Variants in MRC2 observed in about 807,000 individuals in gnomAD.
The protein encoded by MRC2 is mannose receptor C-type 2, also known as C-type mannose receptor 2.
A neutral mutation model predicts 206.2 loss-of-function variants in MRC2; 84 were observed. That is an observed-to-expected ratio of 0.41 (90% CI 0.34 to 0.49). The LOEUF is 0.49. Among genes scored for constraint, MRC2 ranks in the 20% least tolerant of loss-of-function variants. The pLI is 0.31. For missense variants in MRC2, 1,676 were observed against 2,001.5 expected, an observed-to-expected ratio of 0.84 and a Z score of 3.10; for synonymous variants, 798 against 800.0, an observed-to-expected ratio of 1.00 and a Z score of 0.04.
chr17:62,676,297 C>A, intron 10 of MRC2, 86 bp from the exon 11 acceptor site: 1 of 1,543,528 alleles, frequency 6.5e-7, no homozygotes, highest in South Asian at 1.2e-5. Context: ...GTGCAGCACC[C>A]GAGCTCCCAC....
chr17:62,656,511 C>T (rs2088621042), intron 1 of MRC2, among the ~76,000 whole-genome samples: 1 of 152,148 alleles, frequency 6.6e-6, no homozygotes, highest in Admixed American at 6.5e-5. Flanking sequence ...TTTTTAATTT[C>T]CCTTACAGTG....
At chr17:62,690,853 C>CG (rs1396783195) in intron 27 of MRC2, 92 bp downstream of exon 27, 3 of 1,492,594 alleles carry the variant, frequency 2.0e-6, no homozygotes, top group African/African-American at 1.4e-5. Flanking sequence ...TGGGGCTTGT[C>CG]GGGGGACAGG....
At chr17:62,644,740 A>T (rs1480318868) in intron 1 of MRC2, among the ~76,000 whole-genome samples, 1 of 152,012 alleles carries the variant, frequency 6.6e-6, no homozygotes, top group South Asian at 2.1e-4. Context: ...GTTTTTCAGC[A>T]CAGCCCGCAG....
At chr17:62,656,558 G>GC (rs2088621696) in intron 1 of MRC2, among the ~76,000 whole-genome samples, 1 of 152,196 alleles carries the variant, frequency 6.6e-6, no homozygotes, top group African/African-American at 2.4e-5. Context: ...GGATAAGAAA[G>GC]CCCCCAAGGG....
intron 1 of MRC2, among the ~76,000 whole-genome samples, chr17:62,630,877 C>T (rs575069081): frequency 7.2e-5 from 11 of 152,136 alleles, no homozygotes; most frequent in Non-Finnish European, 1.5e-4. Context: ...TCGGAAACTT[C>T]TTACTGTTCC....
At chr17:62,669,085 AACACACACACACACACAC>A (rs72222842) in intron 6 of MRC2, among the ~76,000 whole-genome samples, 5 of 143,060 alleles carry the variant, frequency 3.5e-5, no homozygotes, top group Admixed American at 7.1e-5. Flanking sequence ...AAAATATGGC[AACACACACACACACACAC>A]ACACACACAC....
Position 62,688,294 on chromosome 17 carries a change from T to C in MRC2, c.2952T>C (p.Phe984=). Residue 984 remains phenylalanine (F), a synonymous_variant, in exon 21 of 30, where the codon TTT becomes TTC. Coordinates refer to ENST00000303375, the MANE Select transcript of MRC2 (RefSeq NM_006039.5). ...TCCCCACCTCTGCCCCACAGTGTTTTCAGGTCCAGGGCCAGGAACCCCAGA... is the reference window on the plus strand; with the variant it reads ...TCCCCACCTCTGCCCCACAGTGTTTCCAGGTCCAGGGCCAGGAACCCCAGA... ...SDWIQFLNKC[F]QVQGQEPQSR... is the part of the protein sequence containing the mutation. 1 of 1,613,994 alleles carries C rather than the reference T, an allele frequency of 6.2e-7. No individual in the cohort carries two copies. Among genetic ancestry groups the C allele is most frequent in the Non-Finnish European group, 8.5e-7 (1 of 1,179,994 alleles).
At chr17:62,645,939 T>A (rs1377253123) in intron 1 of MRC2, among the ~76,000 whole-genome samples, 2 of 152,068 alleles carry the variant, frequency 1.3e-5, no homozygotes, top group Admixed American at 1.3e-4. Flanking sequence ...CCAACACTTC[T>A]ACTGGCTACA....
At chr17:62,674,036 A>G (rs1028418013) in intron 8 of MRC2, 27 bp from the exon 9 acceptor site, 1 of 1,511,804 alleles carries the variant, frequency 6.6e-7, no homozygotes, top group African/African-American at 1.4e-5. Context: ...GTGGGGGTTG[A>G]GATTCTTCCT....
intron 9 of MRC2, among the ~76,000 whole-genome samples, chr17:62,674,844 TAA>T (rs2088871379): frequency 6.6e-6 from 1 of 152,040 alleles, no homozygotes; most frequent in Non-Finnish European, 1.5e-5. Flanking sequence ...AGCTTGCTTC[TAA>T]AAGACACTGC....
chr17:62,638,554 A>C (rs1427200225), intron 1 of MRC2, among the ~76,000 whole-genome samples: 1 of 151,994 alleles, frequency 6.6e-6, no homozygotes, highest in African/African-American at 2.4e-5. Flanking sequence ...CCTGGACAAC[A>C]TGGTGAAACC....
At chr17:62,683,902 AAT>A (rs1197378950) in intron 20 of MRC2, 1 of 152,124 alleles carries the variant, frequency 6.6e-6, no homozygotes, top group East Asian at 1.9e-4. Flanking sequence ...ATTATTGTTT[AAT>A]ATGCTCACTT....
intron 1 of MRC2, among the ~76,000 whole-genome samples, chr17:62,648,201 C>T (rs1343665425): frequency 2.0e-5 from 3 of 152,198 alleles, no homozygotes; most frequent in Admixed American, 6.5e-5. Context: ...GTCAGGAGTT[C>T]GAGACCAGCC....
chr17:62,682,526 T>G, intron 20 of MRC2, 149 bp downstream of exon 20: 1 of 897,892 alleles, frequency 1.1e-6, no homozygotes, highest in Non-Finnish European at 1.6e-6. Context: ...CTGGCTCCAG[T>G]ACCAGGGCCA....
intron 1 of MRC2, among the ~76,000 whole-genome samples, chr17:62,661,469 A>C (rs1197362088): frequency 4.6e-5 from 7 of 151,386 alleles, no homozygotes; most frequent in Admixed American, 2.0e-4. Context: ...TTTTGGTAGA[A>C]GCTCTTCTTT....
At position 62,690,935 on chromosome 17, in the gene MRC2, C is replaced by T. The variant is rs1269299042; in HGVS notation, c.4013-14C>T. 24 of 1,584,272 alleles carry T rather than the reference C, an allele frequency of 1.5e-5. No individual in the cohort carries two copies. The highest frequency in any genetic ancestry group is 2.1e-5 in the Non-Finnish European group (24 of 1,166,282). On this transcript the variant is annotated splice_polypyrimidine_tract_variant and intron_variant, in intron 27 of 29. Coordinates refer to ENST00000303375, the MANE Select transcript of MRC2 (RefSeq NM_006039.5). ...CACCTTGTCCCTGCTCCCTCAGTGC[C>T]TTCTTTCCTGCAGGAGGCACTCTGG... is the stretch of plus-strand genomic sequence containing the variant.
chr17:62,662,957 C>T (rs1463751336), intron 1 of MRC2, among the ~76,000 whole-genome samples: 2 of 152,120 alleles, frequency 1.3e-5, no homozygotes, highest in African/African-American at 2.4e-5. Context: ...CACTAGCAGT[C>T]GGATTCATCA....
At position 62,667,470 on chromosome 17, in the gene MRC2, A is replaced by C. The variant is rs146172137; in HGVS notation, c.1054A>C (p.Ser352Arg). The C allele has an allele frequency of 1.3e-3, 2,034 of 1,612,758 alleles. 2 individuals are homozygous for C. Among genetic ancestry groups the C allele is most frequent in the Admixed American group, 2.2e-3 (134 of 59,890 alleles). ...GGGCGGCTGGCAGAACCGTGACTGC[A>C]GCATCGCGCTGCCCTATGTGTGCAA... Reference protein sequence around the residue: ...SSGGWQNRDCSIALPYVCKKK... With the variant: ...SSGGWQNRDCRIALPYVCKKK... The change falls in exon 6 of 30, where the codon AGC becomes CGC. Residue 352 changes from serine (S) to arginine (R), a missense_variant. Transcript: ENST00000303375. The surrounding 1 kb of genome is among the most constrained non-coding windows in gnomAD (Gnocchi z 4.1).
chr17:62,645,420 AT>A (rs1207819770), intron 1 of MRC2, among the ~76,000 whole-genome samples: 1 of 148,066 alleles, frequency 6.8e-6, no homozygotes, highest in Non-Finnish European at 1.5e-5. Flanking sequence ...ATATATATAT[AT>A]GTGATATATA....
Sources: gnomAD v4.1 joint callset for allele counts (sites outside exome capture counted in the v4.1 genomes callset) on GRCh38, gnomAD v4.1.1 for gene constraint, Gnocchi (gnomAD v3.1) non-coding constraint, MANE v1.5 for transcripts, NCBI Gene and HGNC (gene_info 2026-07-23, HGNC 2026-07-21) for gene names.